The following OIP5 variants were observed in gnomAD, a reference collection of about 807,000 sequenced individuals.
OIP5 encodes the protein protein Mis18-beta.
OIP5 carries 24 observed loss-of-function variants against 20.3 expected under a neutral mutation model. The observed-to-expected ratio is 1.18, with a 90% CI of 0.86 to 1.66. The LOEUF (loss-of-function observed/expected upper bound fraction) is 1.66. Among genes scored for constraint, OIP5 ranks in the 40% most tolerant of loss-of-function variants. The pLI is 0.00. For missense variants in OIP5, 339 were observed against 289.5 expected (o/e 1.17, Z -1.24); for synonymous variants, 143 against 121.3 (o/e 1.18, Z -1.17).
chr15:41,309,522 A>G lies in OIP5; in HGVS notation c.*232T>C. On this transcript the variant is annotated 3_prime_UTR_variant, in exon 5 of 5. Transcript: ENST00000220514. ...CAGAGATAAGTATTATGAATTCAAT[A>G]AGAATCTAAAGTAAGTTCTTAAGGC... The G allele has an allele frequency of 5.6e-6, 2 of 360,160 alleles. No homozygotes were observed. The allele number at this position is 360,160 out of a possible 1,614,324, so 22.3% of individuals were successfully genotyped here.
At position 41,332,542 on chromosome 15, in the gene OIP5, C is replaced by T; in HGVS notation, c.20G>A (p.Arg7Gln). 3 of 1,606,140 alleles carry T rather than the reference C, an allele frequency of 1.9e-6. No homozygotes were observed. Among genetic ancestry groups the T allele is most frequent in the Non-Finnish European group, 2.5e-6 (3 of 1,176,782 alleles). Residue 7 changes from arginine (R) to glutamine (Q), a missense_variant, in exon 1 of 5, where the codon CGG (arginine) becomes CAG (glutamine). Physicochemically the swap from Arg to Gln is conservative, Grantham distance 43. Transcript: ENST00000220514. MAAQPL[R>Q]HRSRCATPPR... ...CGGCGTTGCACAACGTGAGCGATGC[C>T]GCAGCGGCTGAGCCGCCATCTTCCC...
chr15:41,323,619 C>T (rs1180045891), intron 2 of OIP5, among the ~76,000 whole-genome samples: 1 of 152,092 alleles, frequency 6.6e-6, no homozygotes, highest in Non-Finnish European at 1.5e-5. Context: ...CACAGGTACA[C>T]ACTAAAATGC....
At chr15:41,318,556 G>A (rs1353620796) in intron 3 of OIP5, among the ~76,000 whole-genome samples, 1 of 152,010 alleles carries the variant, frequency 6.6e-6, no homozygotes, top group African/African-American at 2.4e-5. Context: ...TCAGCCTCCT[G>A]GGTAGCTAGA....
chr15:41,329,107 G>A (rs1341257135), intron 2 of OIP5, among the ~76,000 whole-genome samples: 5 of 141,524 alleles, frequency 3.5e-5, no homozygotes, highest in Admixed American at 1.4e-4. Flanking sequence ...AAAAGAACCC[G>A]AGTCTGCTGT....
intron 4 of OIP5, among the ~76,000 whole-genome samples, chr15:41,311,774 A>T (rs1349565694): frequency 6.6e-6 from 1 of 152,026 alleles, no homozygotes; most frequent in African/African-American, 2.4e-5. Flanking sequence ...GGGTTTCACC[A>T]TCTTGGCCAG....
chr15:41,329,520 T>C (rs1005211196), intron 2 of OIP5, among the ~76,000 whole-genome samples: 1 of 151,842 alleles, frequency 6.6e-6, no homozygotes, highest in Non-Finnish European at 1.5e-5. Flanking sequence ...TTCACCATAC[T>C]GGCCAGGCTG....
chr15:41,315,768 TA>T (rs1163918399), intron 3 of OIP5, among the ~76,000 whole-genome samples: 3 of 152,182 alleles, frequency 2.0e-5, no homozygotes, highest in South Asian at 4.1e-4. Context: ...TACTGATTTC[TA>T]AAAAAGATGT....
intron 2 of OIP5, among the ~76,000 whole-genome samples, chr15:41,328,650 C>G (rs1490342776): frequency 1.3e-5 from 2 of 152,072 alleles, no homozygotes; most frequent in Non-Finnish European, 2.9e-5. Context: ...GACTTTGAAT[C>G]TAAGAGGTTC....
intron 3 of OIP5, among the ~76,000 whole-genome samples, chr15:41,318,408 G>A (rs1283409102): frequency 1.3e-5 from 2 of 151,684 alleles, no homozygotes; most frequent in Non-Finnish European, 2.9e-5. Flanking sequence ...GTGAACCCCC[G>A]ACCTCAGCCT....
At chr15:41,313,391 A>G (rs1342678117) in intron 3 of OIP5, 37 bp from the exon 4 acceptor site, 1 of 1,148,322 alleles carries the variant, frequency 8.7e-7, no homozygotes, top group South Asian at 1.3e-5. Flanking sequence ...GTGTCATACC[A>G]TGGTTAAGAT....
intron 3 of OIP5, among the ~76,000 whole-genome samples, chr15:41,315,589 T>C (rs1326229854): frequency 6.6e-6 from 1 of 152,170 alleles, no homozygotes; most frequent in Non-Finnish European, 1.5e-5. Flanking sequence ...GGCCAAAGTT[T>C]CTACTTAATC....
intron 3 of OIP5, among the ~76,000 whole-genome samples, chr15:41,314,033 G>A (rs776363650): frequency 1.3e-5 from 2 of 152,126 alleles, no homozygotes; most frequent in Non-Finnish European, 2.9e-5. Flanking sequence ...GTAGGATCCT[G>A]TAGCACAGTT....
intron 3 of OIP5, among the ~76,000 whole-genome samples, chr15:41,318,222 G>C (rs530278554): frequency 7.4e-4 from 112 of 152,248 alleles, no homozygotes; most frequent in South Asian, 1.9e-3. Context: ...AAGTGCAGTG[G>C]CTTGATCTTG....
intron 2 of OIP5, among the ~76,000 whole-genome samples, chr15:41,322,291 T>C (rs2140463661): frequency 6.6e-6 from 1 of 152,264 alleles, no homozygotes; most frequent in South Asian, 2.1e-4. Context: ...AATAAATGTT[T>C]TACAAGAAAA....
intron 2 of OIP5, among the ~76,000 whole-genome samples, chr15:41,321,366 GC>G (rs1199128105): frequency 6.6e-6 from 1 of 150,454 alleles, no homozygotes; most frequent in Non-Finnish European, 1.5e-5. Flanking sequence ...CTGCCCGGCC[GC>G]CCCTACTGGG....
At position 41,309,836 on chromosome 15, in the gene OIP5, ATCTTC is replaced by A. The variant is rs1416043843; in HGVS notation, c.603_607del (p.Glu201AspfsTer17). 4 of 1,611,882 alleles carry A rather than the reference ATCTTC, an allele frequency of 2.5e-6. No homozygotes were observed. Among genetic ancestry groups the A allele is most frequent in the Admixed American group, 3.3e-5 (2 of 59,902 alleles). Reference sequence around the variant, plus strand: ...TTTTAAGCGATTGTGCGTTAGCACTATCTTCTCTTTCAGCTAGGAAGAGAAATATA... The same window carrying A: ...TTTTAAGCGATTGTGCGTTAGCACTATCTTTCAGCTAGGAAGAGAAATATA... On this transcript the variant is annotated frameshift_variant, in exon 5 of 5. Coordinates refer to ENST00000220514, the MANE Select transcript of OIP5 (RefSeq NM_007280.2). LOFTEE classifies it low-confidence loss of function (END_TRUNC).
chr15:41,311,024 T>G (rs1356510996), intron 4 of OIP5, among the ~76,000 whole-genome samples: 1 of 152,128 alleles, frequency 6.6e-6, no homozygotes, highest in Non-Finnish European at 1.5e-5. Flanking sequence ...ATTTCCACCC[T>G]ACAAGCAAGC....
intron 2 of OIP5, among the ~76,000 whole-genome samples, chr15:41,320,908 A>C (rs2140462657): frequency 7.1e-6 from 1 of 140,808 alleles, no homozygotes; most frequent in Admixed American, 7.0e-5. Flanking sequence ...CCATGGTCTG[A>C]GATGTGGGGA....
intron 2 of OIP5, 69 bp downstream of exon 2, chr15:41,331,846 A>G (rs1307342041): frequency 1.6e-6 from 2 of 1,287,186 alleles, no homozygotes; most frequent in East Asian, 2.3e-5. Flanking sequence ...CTCCTCGTAC[A>G]TGTCAGTTCC....
Sources: allele counts gnomAD v4.1 joint callset (sites outside exome capture counted in the v4.1 genomes callset), GRCh38; gene constraint gnomAD v4.1.1; transcripts MANE v1.5; gene names NCBI Gene and HGNC (gene_info 2026-07-23, HGNC 2026-07-21).